MCF2L: variants seen among roughly 807,000 people sequenced by gnomAD.
MCF2L encodes MCF.2 cell line derived transforming sequence like, also known as guanine nucleotide exchange factor DBS.
MCF2L carries 97 observed loss-of-function variants against 153.4 expected under a neutral mutation model. The observed-to-expected ratio is 0.63, with a 90% CI of 0.54 to 0.75. The LOEUF (loss-of-function observed/expected upper bound fraction) is 0.75, where lower values mean the gene tolerates loss of function less well. MCF2L is among the 30% of genes least tolerant of loss of function. The probability of loss-of-function intolerance (pLI) is 0.00; values close to 1 mark genes in which losing one functional copy is unlikely to be tolerated. For missense variants in MCF2L, 1,347 were observed against 1,495.2 expected (o/e 0.90, Z 1.64); for synonymous variants, 659 against 632.2 (o/e 1.04, Z -0.64).
chr13:112,936,694 T>C (rs1367142669), intron 2 of MCF2L, among the ~76,000 whole-genome samples: 1 of 152,214 alleles, frequency 6.6e-6, no homozygotes, highest in Non-Finnish European at 1.5e-5. Context: ...ATAATTCAGA[T>C]TATATTAGGA....
At chr13:112,961,533 G>A (rs2081826034) in intron 2 of MCF2L, among the ~76,000 whole-genome samples, 1 of 152,244 alleles carries the variant, frequency 6.6e-6, no homozygotes, top group South Asian at 2.1e-4. Context: ...GACTGGCCCT[G>A]CCGTTCCCTT....
At position 112,979,799 on chromosome 13, in the gene MCF2L, G is replaced by A. The variant is rs1277746396; in HGVS notation, c.79+10341G>A. On this transcript the variant is annotated intron_variant, in intron 1 of 29. Transcript: ENST00000535094. The stretch of plus-strand genomic sequence containing the variant: ...GTCGCAGGGCATGGGGGCAGGTGCT[G>A]TGTCCCCTCTGCAGGTGTCCTCTCT... 5 of 1,568,482 alleles carry A rather than the reference G, an allele frequency of 3.2e-6. No individual in the cohort carries two copies. In the African/African-American group the frequency reaches 6.8e-5, roughly 21 times the overall value.
rs1379755200 is a variant in MCF2L at position 113,046,521 on chromosome 13, T to C, written c.369+1160T>C. The C allele has an allele frequency of 7.5e-6, 4 of 530,760 alleles. No homozygotes were observed. The highest frequency in any genetic ancestry group is 3.2e-4 in the Middle Eastern group (1 of 3,126). 32.9% of individuals were successfully genotyped at this position (530,760 alleles called of 1,614,324 possible). A position where few individuals can be genotyped will look rare whatever the true frequency, so the allele number is the denominator to read the frequency against. On this transcript the variant is annotated intron_variant, in intron 4 of 29. Coordinates refer to ENST00000535094, the MANE Select transcript of MCF2L (RefSeq NM_001112732.3). This position sits in a 1 kb window ranked among gnomAD's most constrained non-coding sequence, Gnocchi z 4.4. ...CAGCCTCTCGGTGGCTGCTGGCTGG[T>C]GCGCCAAGGTTTGAGGTATACTGAA... is the stretch of plus-strand genomic sequence containing the variant.
chr13:112,962,167 G>A (rs1321574744), intron 2 of MCF2L, among the ~76,000 whole-genome samples: 2 of 150,412 alleles, frequency 1.3e-5, no homozygotes, highest in Non-Finnish European at 3.0e-5. Context: ...ACCTGTGCAT[G>A]CACAGATGCA....
intron 1 of MCF2L, among the ~76,000 whole-genome samples, chr13:112,976,191 CGT>C (rs56098508): frequency 3.4e-4 from 50 of 148,798 alleles, no homozygotes; most frequent in African/African-American, 8.2e-4. Context: ...TGTGTGTGTG[CGT>C]GTGTGTGTGT....
At chr13:112,985,822 G>A (rs2082615127) in intron 1 of MCF2L, among the ~76,000 whole-genome samples, 1 of 152,234 alleles carries the variant, frequency 6.6e-6, no homozygotes, top group African/African-American at 2.4e-5. Flanking sequence ...ATGTCCCGGG[G>A]CCATGGCTGC....
intron 1 of MCF2L, among the ~76,000 whole-genome samples, chr13:112,999,358 G>A (rs1206824695): frequency 1.3e-5 from 2 of 148,324 alleles, no homozygotes; most frequent in South Asian, 4.3e-4. Context: ...CGGGGTCCTT[G>A]CATCTGTACC....
rs1406232733 is a variant in MCF2L, at chr13:113,045,312, G to A, written c.320G>A (p.Arg107Gln). 11 of 1,614,100 alleles carry A rather than the reference G, an allele frequency of 6.8e-6. No homozygotes were observed. Among genetic ancestry groups the A allele is most frequent in the Admixed American group, 1.7e-5 (1 of 60,032 alleles). The change falls in exon 4 of 30, where the codon CGG becomes CAG. Residue 107 changes from arginine to glutamine, a missense_variant. Physicochemically the swap from Arg to Gln is conservative, Grantham distance 43. Coordinates refer to ENST00000535094, the MANE Select transcript of MCF2L (RefSeq NM_001112732.3). The surrounding 1 kb of genome is among the most constrained non-coding windows in gnomAD (Gnocchi z 4.2). ...AGIGFILVID[R>Q]RRDKWTSVKA... ...ATCGGATTCATCCTGGTGATAGACC[G>A]GCGACGGGACAAATGGACCTCCGTG...
At chr13:112,950,027 G>A (rs895710302) in intron 2 of MCF2L, among the ~76,000 whole-genome samples, 4 of 148,344 alleles carry the variant, frequency 2.7e-5, no homozygotes, top group African/African-American at 9.9e-5. Flanking sequence ...AACTCCTAAA[G>A]CTAGCAAGTT....
In MCF2L at chr13:113,028,813, A is replaced by G. The variant is rs186078156; in HGVS notation, c.278+4055A>G. Among the ~76,000 whole-genome samples, 409 of 151,692 alleles carry G rather than the reference A, an allele frequency of 2.7e-3. 1 individual carries two copies. The highest frequency in any genetic ancestry group is 3.5e-3 in the Non-Finnish European group (240 of 67,852). Reference sequence around the variant, plus strand: ...TGAGTGTGTGGTGTGAGTGTGTGTAATGTGAGCCTGTGGTGTGTGTGGGGT... The same window carrying G: ...TGAGTGTGTGGTGTGAGTGTGTGTAGTGTGAGCCTGTGGTGTGTGTGGGGT... On this transcript the variant is annotated intron_variant, in intron 3 of 29. Transcript: ENST00000535094. The surrounding 1 kb of genome is among the most constrained non-coding windows in gnomAD (Gnocchi z 5.4).
intron 22 of MCF2L, 76 bp from the exon 23 acceptor site, chr13:113,087,631 C>A: frequency 3.8e-6 from 5 of 1,322,154 alleles, no homozygotes. Flanking sequence ...CATTTCGTGC[C>A]TGCACCAACA....
At chr13:112,909,469 C>T (rs1201069025) in intron 2 of MCF2L, 1 of 597,870 alleles carries the variant, frequency 1.7e-6, no homozygotes, top group Admixed American at 2.7e-5. Flanking sequence ...ACGTCTTCGT[C>T]AGGAGCGCAC....
At chr13:112,948,173 G>A (rs759962733) in intron 2 of MCF2L, among the ~76,000 whole-genome samples, 4 of 152,162 alleles carry the variant, frequency 2.6e-5, no homozygotes, top group Admixed American at 6.5e-5. Context: ...GAAGATCTCC[G>A]AAATGCCCTT....
chr13:113,025,114 G>A (rs1207470943), intron 3 of MCF2L, among the ~76,000 whole-genome samples: 2 of 86,702 alleles, frequency 2.3e-5, no homozygotes, highest in Non-Finnish European at 4.7e-5. Context: ...CTGCAACTAT[G>A]GGATGAGGCA....
chr13:113,077,165 G>A lies in MCF2L; in HGVS notation c.1614G>A (p.Val538=). The A allele has an allele frequency of 1.2e-6, 2 of 1,610,090 alleles. No individual in the cohort carries two copies. The highest frequency in any genetic ancestry group is 1.1e-5 in the South Asian group (1 of 90,684). ...AARQTRPVQP[V]APRPEALAKS... The stretch of plus-strand genomic sequence containing the variant: ...GGCAGACGCGGCCCGTGCAGCCGGT[G>A]GCCCCCAGACCCGAGGCACTGGCAA... Residue 538 remains valine, a synonymous_variant, in exon 13 of 30, where the codon GTG becomes GTA. Transcript: ENST00000535094.
At chr13:113,075,218 C>T in intron 11 of MCF2L, 29 bp downstream of exon 11, 1 of 1,557,476 alleles carries the variant, frequency 6.4e-7, no homozygotes, top group Non-Finnish European at 8.7e-7. Flanking sequence ...CACCCCACTC[C>T]CCCCCAGCTG....
intron 2 of MCF2L, among the ~76,000 whole-genome samples, chr13:112,919,363 G>A (rs1429527219): frequency 6.6e-6 from 1 of 151,106 alleles, no homozygotes; most frequent in Non-Finnish European, 1.5e-5. Flanking sequence ...CCGCCACTAC[G>A]CCCGGCTAAT....
At chr13:112,908,732 G>GTTTGTTTT (rs10627226) in intron 2 of MCF2L, among the ~76,000 whole-genome samples, 1 of 148,596 alleles carries the variant, frequency 6.7e-6, no homozygotes. Context: ...TTTTGTTTTG[G>GTTTGTTTT]TTTTTTTTTG....
Position 112,908,000 on chromosome 13 carries a change from C to G in MCF2L, c.169+5629C>G, listed in dbSNP as rs754517216. 6.6e-6 allele frequency among the ~76,000 whole-genome samples: 1 copy of G among 152,210 alleles called. No homozygotes were observed. The highest frequency in any genetic ancestry group is 1.5e-5 in the Non-Finnish European group (1 of 68,046). On this transcript the variant is annotated intron_variant, in intron 2 of 29. Transcript: ENST00000375608. This position sits in a 1 kb window ranked among gnomAD's most constrained non-coding sequence, Gnocchi z 5.1. ...TTCTTGTTTTCAACCTTTCCTGATT[C>G]CTCAGCATCTTTCTACTTGGACTTT...
Sources: gnomAD v4.1 joint callset for allele counts (sites outside exome capture counted in the v4.1 genomes callset) on GRCh38, gnomAD v4.1.1 for gene constraint, Gnocchi (gnomAD v3.1) non-coding constraint, MANE v1.5 for transcripts, NCBI Gene and HGNC (gene_info 2026-07-23, HGNC 2026-07-21) for gene names.